Variants in CNTN4 observed in about 807,000 individuals in gnomAD.
CNTN4 encodes the protein contactin-4.
CNTN4 carries 77 observed loss-of-function variants against 122.5 expected under a neutral mutation model. That is an observed-to-expected ratio of 0.63 (90% confidence interval 0.52 to 0.76). The LOEUF is 0.76. Among genes scored for constraint, CNTN4 ranks in the 30% least tolerant of loss-of-function variants. The probability of loss-of-function intolerance (pLI) is 0.00; values close to 1 mark genes in which losing one functional copy is unlikely to be tolerated. For synonymous variants in CNTN4, 512 were observed against 447.0 expected (o/e 1.15, Z -1.83); for missense variants, 1,256 against 1,259.1 (o/e 1.00, Z 0.04).
chr3:2,621,302 A>G (rs537160477), intron 4 of CNTN4, among the ~76,000 whole-genome samples: 40 of 152,306 alleles, frequency 2.6e-4, no homozygotes, highest in African/African-American at 9.4e-4. Context: ...CCTTTCCACA[A>G]GTTTTATTCT....
At chr3:2,478,843 T>G (rs2075905448) in intron 3 of CNTN4, among the ~76,000 whole-genome samples, 1 of 152,196 alleles carries the variant, frequency 6.6e-6, no homozygotes, top group African/African-American at 2.4e-5. Context: ...CTGATGGACA[T>G]TTAGGTTGAT....
chr3:3,009,102 C>A, intron 14 of CNTN4: 2 of 900,046 alleles, frequency 2.2e-6, no homozygotes, highest in Non-Finnish European at 2.7e-6. Context: ...AAGTACCATG[C>A]CTTGCCCTGG....
intron 6 of CNTN4, among the ~76,000 whole-genome samples, chr3:2,795,451 TTC>T (rs1261305847): frequency 2.6e-5 from 4 of 152,148 alleles, no homozygotes. Context: ...CTATAATCTA[TTC>T]TGTTAAATGG....
chr3:3,003,770 G>C (rs945851612), intron 14 of CNTN4, among the ~76,000 whole-genome samples: 1 of 144,874 alleles, frequency 6.9e-6, no homozygotes, highest in Non-Finnish European at 1.5e-5. Context: ...TTATTTTTGA[G>C]ACAGAGTCTT....
intron 2 of CNTN4, among the ~76,000 whole-genome samples, chr3:2,309,661 G>C (rs1036467291): frequency 7.2e-5 from 11 of 152,102 alleles, no homozygotes; most frequent in Admixed American, 3.9e-4. Context: ...GTGATGCTTG[G>C]TCTTTTAATA....
intron 6 of CNTN4, 68 bp from the exon 7 acceptor site, chr3:2,819,418 G>A: frequency 3.3e-6 from 4 of 1,197,032 alleles, no homozygotes; most frequent in Admixed American, 3.5e-5. Context: ...TTTTGAAATA[G>A]TGGTACTCTC....
chr3:2,912,434 A>T (rs937419682), intron 12 of CNTN4, among the ~76,000 whole-genome samples: 2 of 152,238 alleles, frequency 1.3e-5, no homozygotes, highest in Non-Finnish European at 2.9e-5. Flanking sequence ...AGAAATGCTG[A>T]AGGGAGTCCT....
intron 2 of CNTN4, among the ~76,000 whole-genome samples, chr3:2,250,248 G>T (rs1311406881): frequency 1.3e-5 from 2 of 151,908 alleles, no homozygotes; most frequent in African/African-American, 4.8e-5. Flanking sequence ...GAGAAGAAGA[G>T]ATTCTACATT....
chr3:2,732,817 A>C (rs1442890775), intron 4 of CNTN4, among the ~76,000 whole-genome samples: 1 of 152,166 alleles, frequency 6.6e-6, no homozygotes, highest in Non-Finnish European at 1.5e-5. Context: ...AACTTTCTAA[A>C]ATTTCTCCCT....
chr3:2,213,507 C>T (rs1221652279), intron 2 of CNTN4, among the ~76,000 whole-genome samples: 1 of 152,178 alleles, frequency 6.6e-6, no homozygotes, highest in South Asian at 2.1e-4. Context: ...GGAATGTGAT[C>T]TACACCTGTA....
At chr3:2,472,263 CAG>C (rs1421887313) in intron 3 of CNTN4, among the ~76,000 whole-genome samples, 1 of 151,926 alleles carries the variant, frequency 6.6e-6, no homozygotes, top group African/African-American at 2.4e-5. Flanking sequence ...GTTTTTGAGA[CAG>C]AGTCTTGTTC....
At chr3:3,043,197 A>G in intron 22 of CNTN4, 34 bp downstream of exon 22, 1 of 1,600,804 alleles carries the variant, frequency 6.2e-7, no homozygotes, top group Non-Finnish European at 8.6e-7. Flanking sequence ...TATTTTGGGG[A>G]TTCATCACAC....
At chr3:2,996,924 G>C (rs548718091) in intron 14 of CNTN4, among the ~76,000 whole-genome samples, 1 of 152,260 alleles carries the variant, frequency 6.6e-6, no homozygotes, top group African/African-American at 2.4e-5. Flanking sequence ...CATTATTACA[G>C]TTATATATTT....
chr3:2,172,992 C>T (rs963983332), intron 2 of CNTN4, among the ~76,000 whole-genome samples: 1 of 152,172 alleles, frequency 6.6e-6, no homozygotes, highest in South Asian at 2.1e-4. Flanking sequence ...ATCAGAACAA[C>T]TATCAGTGAT....
intron 15 of CNTN4, 41 bp downstream of exon 15, chr3:3,026,318 T>G: frequency 6.7e-7 from 1 of 1,502,606 alleles, no homozygotes; most frequent in South Asian, 1.1e-5. Flanking sequence ...CTAACTTGTT[T>G]AGACCAACTT....
intron 3 of CNTN4, among the ~76,000 whole-genome samples, chr3:2,379,060 C>G (rs1260000135): frequency 6.6e-6 from 1 of 152,092 alleles, no homozygotes; most frequent in Non-Finnish European, 1.5e-5. Context: ...CTTGTATTGC[C>G]CATTCATTGC....
rs113608201 is a variant in CNTN4 at position 3,040,355 on chromosome 3, G to A, written c.2398+84G>A. 1,903 of 1,041,888 alleles carry A rather than the reference G, an allele frequency of 1.8e-3. 25 individuals are homozygous for A. The African/African-American group carries it at 0.025, about 14-fold the overall frequency. The allele number at this position is 1,041,888 out of a possible 1,614,324, so 64.5% of individuals were successfully genotyped here. ...GATTGTAGCACGTACAATCAATTTC[G>A]CATGGTACATGTATCTTGAAGGCAT... is the stretch of plus-strand genomic sequence containing the variant. On this transcript the variant is annotated intron_variant, in intron 20 of 24. Transcript: ENST00000418658.
chr3:2,811,570 C>T (rs1037075692), intron 6 of CNTN4, among the ~76,000 whole-genome samples: 32 of 151,670 alleles, frequency 2.1e-4, no homozygotes, highest in African/African-American at 7.0e-4. Flanking sequence ...ACGCCATTCT[C>T]CTGCCTCAGC....
At position 2,953,921 on chromosome 3, in the gene CNTN4, T is replaced by G. The variant is rs546858307; in HGVS notation, c.1358+28142T>G. 1.8e-4 allele frequency among the ~76,000 whole-genome samples: 27 copies of G among 152,314 alleles called. 1 individual carries two copies. In the South Asian group the frequency reaches 5.4e-3, roughly 30 times the overall value. ...CATTTGCCAAGTACCATGCTAAGAA[T>G]CTAGATAAAATGTTTAGGGCCAATT... On this transcript the variant is annotated intron_variant, in intron 13 of 24. Transcript: ENST00000418658.
Sources: allele counts gnomAD v4.1 joint callset (sites outside exome capture counted in the v4.1 genomes callset), GRCh38; gene constraint gnomAD v4.1.1; transcripts MANE v1.5; gene names NCBI Gene and HGNC (gene_info 2026-07-23, HGNC 2026-07-21).